The following ST8SIA6 variants were observed in gnomAD, a reference collection of about 807,000 sequenced individuals.
ST8SIA6 encodes the protein alpha-2,8-sialyltransferase 8F.
In ST8SIA6, 39 loss-of-function variants were observed where a neutral mutation model predicts 33.6. The observed-to-expected ratio is 1.16, with a 90% CI of 0.90 to 1.52. The LOEUF is 1.52. Among genes scored for constraint, ST8SIA6 ranks in the 40% most tolerant of loss-of-function variants. The pLI is 0.00. For synonymous variants in ST8SIA6, 172 were observed against 167.2 expected (o/e 1.03, Z -0.22); for missense variants, 441 against 443.8 (o/e 0.99, Z 0.06).
At chr10:17,436,266 T>C (rs371184675) in intron 2 of ST8SIA6, among the ~76,000 whole-genome samples, 1 of 152,180 alleles carries the variant, frequency 6.6e-6, no homozygotes, top group Non-Finnish European at 1.5e-5. Context: ...TTCCCACATG[T>C]TGTGGGAGGG....
chr10:17,385,755 G>T (rs428873), intron 3 of ST8SIA6, among the ~76,000 whole-genome samples: 42,336 of 151,964 alleles, frequency 0.28, 6,641 homozygotes, highest in East Asian at 0.64. Flanking sequence ...AAGCCTGACA[G>T]AGGTCTCATA....
At chr10:17,377,073 T>G (rs1230127150) in intron 3 of ST8SIA6, among the ~76,000 whole-genome samples, 1 of 152,038 alleles carries the variant, frequency 6.6e-6, no homozygotes, top group Non-Finnish European at 1.5e-5. Flanking sequence ...AATAGCCAAT[T>G]CCTGCCTTTA....
chr10:17,365,948 C>A (rs1849544472), intron 3 of ST8SIA6, among the ~76,000 whole-genome samples: 1 of 123,080 alleles, frequency 8.1e-6, no homozygotes, highest in Non-Finnish European at 1.8e-5. Context: ...ATCAAAAAGT[C>A]TTTTGCAGCA....
intron 2 of ST8SIA6, among the ~76,000 whole-genome samples, chr10:17,443,746 T>C (rs1307673779): frequency 6.6e-6 from 1 of 152,176 alleles, no homozygotes; most frequent in Non-Finnish European, 1.5e-5. Context: ...TGTATGTAGA[T>C]AAATGTACTA....
At chr10:17,402,479 C>T (rs1337536738) in intron 2 of ST8SIA6, among the ~76,000 whole-genome samples, 11 of 152,174 alleles carry the variant, frequency 7.2e-5, no homozygotes, top group African/African-American at 1.9e-4. Flanking sequence ...CACATGCACA[C>T]GTATGTTTAT....
intron 3 of ST8SIA6, among the ~76,000 whole-genome samples, chr10:17,374,281 T>C (rs1261456698): frequency 6.6e-6 from 1 of 152,146 alleles, no homozygotes; most frequent in East Asian, 1.9e-4. Flanking sequence ...AGAGAGACTA[T>C]GCTTTCAAAC....
chr10:17,356,077 T>C (rs933621188), intron 4 of ST8SIA6, among the ~76,000 whole-genome samples: 1 of 152,244 alleles, frequency 6.6e-6, no homozygotes, highest in South Asian at 2.1e-4. Context: ...TCATAAATAT[T>C]CATACTTATA....
intron 2 of ST8SIA6, among the ~76,000 whole-genome samples, chr10:17,412,705 G>C (rs1455042500): frequency 2.1e-5 from 3 of 145,994 alleles, no homozygotes; most frequent in African/African-American, 7.3e-5. Context: ...GTAAATATCT[G>C]TAAGTACTTA....
At chr10:17,423,486 G>A (rs1390473284) in intron 2 of ST8SIA6, among the ~76,000 whole-genome samples, 1 of 152,076 alleles carries the variant, frequency 6.6e-6, no homozygotes, top group Non-Finnish European at 1.5e-5. Context: ...GCACAGTGTG[G>A]GTTTACATTA....
rs574086983 is a variant in ST8SIA6, at chr10:17,351,116, C to G, written c.377+8398G>C. Among the ~76,000 whole-genome samples, 8 of 152,188 alleles carry G rather than the reference C, an allele frequency of 5.3e-5. No individual in the cohort carries two copies. The South Asian group carries it at 1.0e-3, about 20-fold the overall frequency. On this transcript the variant is annotated intron_variant, in intron 4 of 7. Coordinates refer to ENST00000377602, the MANE Select transcript of ST8SIA6 (RefSeq NM_001004470.3). ...GTTCCCTGCCCCCACCCCAGCATCT[C>G]TCTTCTAATTGCTCTACTGGGCTTC...
chr10:17,452,747 GATA>G (rs1343979976), intron 2 of ST8SIA6, among the ~76,000 whole-genome samples: 1 of 152,180 alleles, frequency 6.6e-6, no homozygotes, highest in African/African-American at 2.4e-5. Context: ...GGCATGTTCA[GATA>G]ATAAGTTATG....
chr10:17,414,185 AC>A (rs1381721114), intron 2 of ST8SIA6, among the ~76,000 whole-genome samples: 13 of 152,224 alleles, frequency 8.5e-5, no homozygotes, highest in Admixed American at 5.9e-4. Context: ...ATTTGGGGCT[AC>A]CCCCAACTAG....
chr10:17,327,919 A>T (rs972089010), intron 5 of ST8SIA6, among the ~76,000 whole-genome samples: 1 of 146,952 alleles, frequency 6.8e-6, no homozygotes, highest in Non-Finnish European at 1.5e-5. Context: ...AAATTTTAAA[A>T]AATGTGTAAG....
chr10:17,323,833 G>A (rs954965917), intron 6 of ST8SIA6, among the ~76,000 whole-genome samples: 18 of 151,978 alleles, frequency 1.2e-4, no homozygotes, highest in African/African-American at 4.4e-4. Flanking sequence ...TATTGATTAT[G>A]TTCCCATAGT....
intron 2 of ST8SIA6, among the ~76,000 whole-genome samples, chr10:17,423,353 C>A (rs1851838061): frequency 6.6e-6 from 1 of 152,136 alleles, no homozygotes; most frequent in Non-Finnish European, 1.5e-5. Flanking sequence ...GTTTTCGTAG[C>A]ATCTTATTTT....
Position 17,401,137 on chromosome 10 carries a change from C to A in ST8SIA6, c.201-10517G>T, listed in dbSNP as rs1266842595. 2.0e-5 allele frequency among the ~76,000 whole-genome samples: 3 copies of A among 152,048 alleles called. No homozygotes were observed. The South Asian group carries it at 6.2e-4, about 32-fold the overall frequency. On this transcript the variant is annotated intron_variant, in intron 2 of 7. Coordinates refer to ENST00000377602, the MANE Select transcript of ST8SIA6 (RefSeq NM_001004470.3). ...CACAAGCATTCTTATACACCAATAA[C>A]AGACAAACAGAGAGCCAAATCATGA...
At chr10:17,375,527 C>T (rs1212662304) in intron 3 of ST8SIA6, among the ~76,000 whole-genome samples, 1 of 152,206 alleles carries the variant, frequency 6.6e-6, no homozygotes, top group Non-Finnish European at 1.5e-5. Flanking sequence ...TATGCCACCC[C>T]ATGAGGAACA....
intron 2 of ST8SIA6, among the ~76,000 whole-genome samples, chr10:17,396,677 C>T (rs2131671717): frequency 6.6e-6 from 1 of 152,288 alleles, no homozygotes; most frequent in East Asian, 1.9e-4. Context: ...CTGAATATTT[C>T]CCCTTTCCCT....
chr10:17,418,993 C>CAAAAAAA lies in ST8SIA6; in HGVS notation c.201-28380_201-28374dup, dbSNP rs910044275. 1.2e-3 allele frequency among the ~76,000 whole-genome samples: 70 copies of CAAAAAAA among 56,088 alleles called. 1 individual carries two copies. The highest frequency in any genetic ancestry group is 1.8e-3 in the Non-Finnish European group (54 of 29,318). 36.8% of individuals were successfully genotyped at this position (56,088 alleles called of 152,430 possible). On this transcript the variant is annotated intron_variant, in intron 2 of 7. Coordinates refer to ENST00000377602, the MANE Select transcript of ST8SIA6 (RefSeq NM_001004470.3). ...GGGCAATAAGAGCAAGGCTCCATCT[C>CAAAAAAA]AAAAAAAAAAAAAAAAAAAAAAGAA...
Sources: gnomAD v4.1 joint callset for allele counts (sites outside exome capture counted in the v4.1 genomes callset) on GRCh38, gnomAD v4.1.1 for gene constraint, MANE v1.5 for transcripts, NCBI Gene and HGNC (gene_info 2026-07-23, HGNC 2026-07-21) for gene names.